The following MFSD1 variants were observed in gnomAD, a reference collection of about 807,000 sequenced individuals.
MFSD1 encodes major facilitator superfamily domain containing 1.
MFSD1 carries 59 observed loss-of-function variants against 67.1 expected under a neutral mutation model. The ratio of observed to expected loss-of-function variants is 0.88; its 90% CI spans 0.71 to 1.09. The LOEUF (loss-of-function observed/expected upper bound fraction) is 1.09, where lower values mean the gene tolerates loss of function less well. Ranked by LOEUF, MFSD1 falls within the 50% of genes least tolerant of loss-of-function variation. The pLI is 0.00. For synonymous variants in MFSD1, 213 were observed against 200.3 expected (o/e 1.06, Z -0.54); for missense variants, 552 against 566.1 (o/e 0.97, Z 0.25).
chr3:158,829,031 T>C lies in MFSD1; in HGVS notation c.*49T>C. 1 of 1,555,650 alleles carries C rather than the reference T, an allele frequency of 6.4e-7. No homozygotes were observed. Among genetic ancestry groups the C allele is most frequent in the Non-Finnish European group, 8.7e-7 (1 of 1,152,110 alleles). On this transcript the variant is annotated 3_prime_UTR_variant, in exon 16 of 16. Coordinates refer to ENST00000415822, the MANE Select transcript of MFSD1 (RefSeq NM_022736.4). ...AGAATGGGCTTAACACATCGTTGGT[T>C]TGAAAACTTCCATTTTTAAAAATTT...
In MFSD1 at chr3:158,802,120, ACCACTTTCC is replaced by A; in HGVS notation, c.-30_-22del. 1 of 1,609,044 alleles carries A rather than the reference ACCACTTTCC, an allele frequency of 6.2e-7. No individual in the cohort carries two copies. The highest frequency in any genetic ancestry group is 2.2e-5 in the East Asian group (1 of 44,752). ...CTTCCTGCCTGGGTTTGGAGTTGTCACCACTTTCCCCTCTCCGTCTCCTGCGGGCGCAAT... is the reference window on the plus strand; with the variant it reads ...CTTCCTGCCTGGGTTTGGAGTTGTCACCTCTCCGTCTCCTGCGGGCGCAAT... On this transcript the variant is annotated 5_prime_UTR_variant, in exon 1 of 16. Transcript: ENST00000415822.
Position 158,809,239 on chromosome 3 carries a change from C to A in MFSD1, c.501C>A (p.Gly167=), listed in dbSNP as rs778683809. 1.2e-6 allele frequency: 2 copies of A among 1,609,440 alleles called. No individual in the cohort carries two copies. The highest frequency in any genetic ancestry group is 1.7e-6 in the Non-Finnish European group (2 of 1,178,506). The change falls in exon 6 of 16, where the codon GGC becomes GGA. Residue 167 remains glycine (G), a synonymous_variant. Coordinates refer to ENST00000415822, the MANE Select transcript of MFSD1 (RefSeq NM_022736.4). ...QNTYAVSWFK[G]KELNLVFGLQ... ...CATATGCTGTGAGCTGGTTTAAAGG[C>A]AAAGAATTAAACCTGGTGTTTGGAC...
intron 7 of MFSD1, among the ~76,000 whole-genome samples, chr3:158,818,534 A>G (rs1376102967): frequency 6.6e-6 from 1 of 152,150 alleles, no homozygotes; most frequent in Non-Finnish European, 1.5e-5. Flanking sequence ...GTCTCTAATT[A>G]AACCACTGAT....
intron 15 of MFSD1, among the ~76,000 whole-genome samples, chr3:158,827,926 G>GAA (rs1731080478): frequency 1.3e-5 from 1 of 79,296 alleles, no homozygotes; most frequent in Non-Finnish European, 2.3e-5. Context: ...GAGAGAGAGA[G>GAA]AGAGAGAGAG....
rs756493285 is a variant in MFSD1 at position 158,807,044 on chromosome 3, G to A, written c.334G>A (p.Gly112Ser). The A allele has an allele frequency of 3.7e-6, 6 of 1,609,730 alleles. No individual in the cohort carries two copies. In the South Asian group the frequency reaches 6.6e-5, roughly 18 times the overall value. Residue 112 changes from glycine to serine, a missense_variant, in exon 4 of 16, where the codon GGC becomes AGC. Coordinates refer to ENST00000415822, the MANE Select transcript of MFSD1 (RefSeq NM_022736.4). The stretch of plus-strand genomic sequence containing the variant: ...CATTCTTTCTTTCCCAAACAGATGG[G>A]GCACAATCATTTTTAGCTGCTTTGT... The part of the protein sequence containing the change: ...LIDRVFGIRW[G>S]TIIFSCFVCI...
Position 158,820,252 on chromosome 3 carries a change from C to T in MFSD1, c.789C>T (p.Ser263=). ...VIKLTDVKDF[S]LPLWLIFIIC... Reference sequence around the variant, plus strand: ...AATTAACTGATGTAAAGGACTTCTCCTTACCCCTGTGGCTTATATTTATCA... The same window carrying T: ...AATTAACTGATGTAAAGGACTTCTCTTTACCCCTGTGGCTTATATTTATCA... Residue 263 remains serine (S), a synonymous_variant, in exon 9 of 16, where the codon TCC becomes TCT. Coordinates refer to ENST00000415822, the MANE Select transcript of MFSD1 (RefSeq NM_022736.4). 6.2e-7 allele frequency: 1 copy of T among 1,611,414 alleles called. No homozygotes were observed. The highest frequency in any genetic ancestry group is 1.7e-5 in the Admixed American group (1 of 59,992).
At chr3:158,827,919 A>AGG (rs1731078312) in intron 15 of MFSD1, among the ~76,000 whole-genome samples, 3 of 81,300 alleles carry the variant, frequency 3.7e-5, no homozygotes, top group East Asian at 4.6e-4. Flanking sequence ...AGAGGGGGAG[A>AGG]GAGAGAGAGA....
intron 12 of MFSD1, 58 bp downstream of exon 12, chr3:158,823,583 C>A (rs1295220429): frequency 2.5e-6 from 3 of 1,209,356 alleles, no homozygotes; most frequent in South Asian, 1.2e-5. Flanking sequence ...ATTTAATTAT[C>A]ATATAAAACT....
At chr3:158,810,469 T>C (rs1349314358) in intron 6 of MFSD1, among the ~76,000 whole-genome samples, 2 of 152,248 alleles carry the variant, frequency 1.3e-5, no homozygotes, top group Admixed American at 6.5e-5. Context: ...TATTTTCATA[T>C]AATACTTCAT....
Position 158,822,953 on chromosome 3 carries a change from A to T in MFSD1, c.1078-475A>T, listed in dbSNP as rs76748504. On this transcript the variant is annotated intron_variant, in intron 11 of 15. Coordinates refer to ENST00000415822, the MANE Select transcript of MFSD1 (RefSeq NM_022736.4). Reference sequence around the variant, plus strand: ...ACAATATTTCTTTTTTAATTGAAGAAAAAATCAGCATTAGGTGAGGTTTAC... The same window carrying T: ...ACAATATTTCTTTTTTAATTGAAGATAAAATCAGCATTAGGTGAGGTTTAC... 3.6e-3 allele frequency: 565 copies of T among 157,754 alleles called. 3 individuals carry two copies. Among genetic ancestry groups the T allele is most frequent in the African/African-American group, 0.013 (535 of 41,614 alleles). 9.8% of individuals were successfully genotyped at this position (157,754 alleles called of 1,614,324 possible).
At chr3:158,811,726 A>G (rs1175165551) in intron 6 of MFSD1, among the ~76,000 whole-genome samples, 1 of 152,242 alleles carries the variant, frequency 6.6e-6, no homozygotes, top group Non-Finnish European at 1.5e-5. Flanking sequence ...CTGAAGACTG[A>G]GAAGTGTACA....
At chr3:158,820,763 G>A (rs772155796) in intron 9 of MFSD1, among the ~76,000 whole-genome samples, 10 of 152,094 alleles carry the variant, frequency 6.6e-5, no homozygotes, top group African/African-American at 1.9e-4. Flanking sequence ...ATCAAATCTC[G>A]TGAGAACTCA....
chr3:158,815,770 A>G lies in MFSD1; in HGVS notation c.652+1703A>G, dbSNP rs548346829. On this transcript the variant is annotated intron_variant, in intron 7 of 15. Coordinates refer to ENST00000415822, the MANE Select transcript of MFSD1 (RefSeq NM_022736.4). The stretch of plus-strand genomic sequence containing the variant: ...TGCACCCATTAACTCGTCATTTAGC[A>G]TTAGGTATATCTCCTAATGCTATCC... Among the ~76,000 whole-genome samples, 127 of 151,748 alleles carry G rather than the reference A, an allele frequency of 8.4e-4. 2 individuals carry two copies. Among genetic ancestry groups the G allele is most frequent in the South Asian group, 5.0e-3 (24 of 4,790 alleles).
chr3:158,820,634 G>T (rs1730623877), intron 9 of MFSD1, among the ~76,000 whole-genome samples: 1 of 152,174 alleles, frequency 6.6e-6, no homozygotes, highest in Non-Finnish European at 1.5e-5. Context: ...CCATAGGGCT[G>T]GGAAGGCCTC....
intron 7 of MFSD1, among the ~76,000 whole-genome samples, chr3:158,818,680 G>A (rs182308758): frequency 2.0e-5 from 3 of 152,242 alleles, no homozygotes; most frequent in East Asian, 1.9e-4. Context: ...AGAAGACAGT[G>A]GAGTGGTAAT....
intron 12 of MFSD1, 80 bp from the exon 13 acceptor site, chr3:158,824,044 C>A: frequency 1.1e-6 from 1 of 937,650 alleles, no homozygotes. Context: ...TTCACAGATA[C>A]TAATATTTAT....
At chr3:158,811,032 T>C (rs1729979377) in intron 6 of MFSD1, among the ~76,000 whole-genome samples, 1 of 152,218 alleles carries the variant, frequency 6.6e-6, no homozygotes, top group Non-Finnish European at 1.5e-5. Context: ...CATCAGGTTC[T>C]TTTCTGTGTC....
intron 10 of MFSD1, 132 bp from the exon 11 acceptor site, chr3:158,821,851 AT>A (rs1730694728): frequency 1.8e-6 from 2 of 1,101,796 alleles, no homozygotes; most frequent in Non-Finnish European, 1.3e-6. Context: ...TGCTTTTTAT[AT>A]TTTTTGATGA....
chr3:158,814,747 T>C (rs1396956293), intron 7 of MFSD1, among the ~76,000 whole-genome samples: 1 of 152,174 alleles, frequency 6.6e-6, no homozygotes, highest in Non-Finnish European at 1.5e-5. Flanking sequence ...TAAAAACTCT[T>C]TGAGAACAAC....
Sources: gnomAD v4.1 joint callset for allele counts (sites outside exome capture counted in the v4.1 genomes callset) on GRCh38, gnomAD v4.1.1 for gene constraint, MANE v1.5 for transcripts, NCBI Gene and HGNC (gene_info 2026-07-23, HGNC 2026-07-21) for gene names.